Variants in HPSE2 observed in about 807,000 individuals in gnomAD.
HPSE2 encodes the protein heparanase 2 (inactive).
HPSE2 carries 38 observed loss-of-function variants against 60.5 expected under a neutral mutation model. That is an observed-to-expected ratio of 0.63 (90% CI 0.48 to 0.82). The LOEUF (loss-of-function observed/expected upper bound fraction) is 0.82. Ranked by LOEUF, HPSE2 falls within the 40% of genes least tolerant of loss-of-function variation. The pLI is 0.00. For missense variants in HPSE2, 713 were observed against 740.4 expected (o/e 0.96, Z 0.43); for synonymous variants, 295 against 293.2 (o/e 1.01, Z -0.06).
chr10:99,107,978 T>G (rs1018509787), intron 3 of HPSE2, among the ~76,000 whole-genome samples: 1 of 152,168 alleles, frequency 6.6e-6, no homozygotes, highest in Admixed American at 6.5e-5. Flanking sequence ...TTTAACAGCT[T>G]AAATCTGTTT....
intron 3 of HPSE2, among the ~76,000 whole-genome samples, chr10:99,018,056 C>G (rs557253698): frequency 6.6e-6 from 1 of 152,312 alleles, no homozygotes; most frequent in Non-Finnish European, 1.5e-5. Flanking sequence ...TCCTTACCAC[C>G]TAACAGTTCA....
chr10:99,045,754 G>T (rs906864140), intron 3 of HPSE2, among the ~76,000 whole-genome samples: 1 of 151,958 alleles, frequency 6.6e-6, no homozygotes, highest in Non-Finnish European at 1.5e-5. Flanking sequence ...ATAAATTTCT[G>T]GAATCACACA....
intron 9 of HPSE2, among the ~76,000 whole-genome samples, chr10:98,567,753 G>A (rs657556): frequency 2.3e-3 from 79 of 34,196 alleles, no homozygotes; most frequent in East Asian, 5.0e-3. Context: ...TGGATGGTGT[G>A]TGTGTGTGTG....
At chr10:99,198,829 GATA>G (rs1458426874) in intron 2 of HPSE2, among the ~76,000 whole-genome samples, 1 of 151,982 alleles carries the variant, frequency 6.6e-6, no homozygotes, top group Non-Finnish European at 1.5e-5. Flanking sequence ...ATACCCACTG[GATA>G]ATAATTTCCC....
the HPSE2 span, among the ~76,000 whole-genome samples, chr10:99,300,323 C>G: frequency 6.6e-6 from 1 of 152,172 alleles, no homozygotes; most frequent in South Asian, 2.1e-4. Context: ...ACGGCTCCCA[C>G]TGGACACCTT....
the HPSE2 span, among the ~76,000 whole-genome samples, chr10:99,306,948 G>T: frequency 6.6e-6 from 1 of 152,122 alleles, no homozygotes. Flanking sequence ...GACCTCAGGT[G>T]ATCCGCCCGC....
intron 3 of HPSE2, among the ~76,000 whole-genome samples, chr10:98,826,424 G>A (rs1951549136): frequency 6.6e-6 from 1 of 152,140 alleles, no homozygotes; most frequent in South Asian, 2.1e-4. Flanking sequence ...AAGTACCTTT[G>A]GGGCAGATTT....
chr10:98,510,542 T>C (rs1942355139), intron 9 of HPSE2, among the ~76,000 whole-genome samples: 2 of 151,640 alleles, frequency 1.3e-5, no homozygotes, highest in African/African-American at 4.9e-5. Context: ...CAGGCTTGGG[T>C]TTGTGAACTG....
intron 9 of HPSE2, among the ~76,000 whole-genome samples, chr10:98,504,222 G>T (rs890678653): frequency 2.0e-5 from 3 of 152,082 alleles, no homozygotes; most frequent in Non-Finnish European, 2.9e-5. Flanking sequence ...GCAAGAGGTT[G>T]TCTCAAGTTT....
upstream of HPSE2, chr10:99,236,012 A>G: frequency 5.5e-6 from 2 of 363,318 alleles, no homozygotes; most frequent in East Asian, 4.0e-5. Context: ...TTTTTTTTTT[A>G]ATTTTTTTTA....
intron 3 of HPSE2, among the ~76,000 whole-genome samples, chr10:98,963,856 G>A (rs549196570): frequency 4.2e-4 from 64 of 152,240 alleles, no homozygotes; most frequent in African/African-American, 1.5e-3. Flanking sequence ...AAGGTTTAGA[G>A]ATGCCTTTGT....
At chr10:98,605,737 G>A (rs562791647) in intron 9 of HPSE2, among the ~76,000 whole-genome samples, 1 of 152,324 alleles carries the variant, frequency 6.6e-6, no homozygotes, top group African/African-American at 2.4e-5. Flanking sequence ...AGCATCAGGT[G>A]CAGGGAGCTT....
chr10:98,591,682 A>G (rs1164108656), intron 9 of HPSE2, among the ~76,000 whole-genome samples: 1 of 55,656 alleles, frequency 1.8e-5, no homozygotes, highest in Non-Finnish European at 7.0e-5. Context: ...AAAATAAAAT[A>G]AATAAATAAA....
At chr10:98,752,353 A>T (rs920716064) in intron 3 of HPSE2, among the ~76,000 whole-genome samples, 1 of 152,206 alleles carries the variant, frequency 6.6e-6, no homozygotes, top group East Asian at 1.9e-4. Flanking sequence ...GTAAAGACAG[A>T]CAAATTTGAC....
intron 3 of HPSE2, among the ~76,000 whole-genome samples, chr10:98,770,413 T>C (rs1382223205): frequency 1.3e-5 from 2 of 152,216 alleles, no homozygotes; most frequent in Non-Finnish European, 2.9e-5. Context: ...GCATAACTGA[T>C]TAATGGTTCT....
intron 9 of HPSE2, among the ~76,000 whole-genome samples, chr10:98,550,989 C>A (rs917695249): frequency 6.6e-6 from 1 of 151,634 alleles, no homozygotes; most frequent in Non-Finnish European, 1.5e-5. Flanking sequence ...CACTGATGAA[C>A]AAAAGAATAA....
At chr10:99,239,773 A>T (rs1849913760), upstream of HPSE2, among the ~76,000 whole-genome samples, 5 of 152,008 alleles carry the variant, frequency 3.3e-5, no homozygotes, top group African/African-American at 1.2e-4. Flanking sequence ...ACCTTAATAA[A>T]AACTGTCAAC....
At chr10:98,825,621 G>A (rs1283340593) in intron 3 of HPSE2, among the ~76,000 whole-genome samples, 1 of 150,496 alleles carries the variant, frequency 6.6e-6, no homozygotes, top group Non-Finnish European at 1.5e-5. Flanking sequence ...GGGGGGGCGG[G>A]GGTGGGGGAG....
chr10:98,863,530 C>G lies in HPSE2; in HGVS notation c.611-119474G>C, dbSNP rs150808728. Among the ~76,000 whole-genome samples, 191 of 152,254 alleles carry G rather than the reference C, an allele frequency of 1.3e-3. 1 individual carries two copies. Among genetic ancestry groups the G allele is most frequent in the Middle Eastern group, 0.01 (3 of 294 alleles). On this transcript the variant is annotated intron_variant, in intron 3 of 11. Coordinates refer to ENST00000370552, the MANE Select transcript of HPSE2 (RefSeq NM_021828.5). ...CTCCTACCCACCCTGTCCAATGCCACTGAAGGTTAGTCAGTAGAAGAAACC... is the reference window on the plus strand; with the variant it reads ...CTCCTACCCACCCTGTCCAATGCCAGTGAAGGTTAGTCAGTAGAAGAAACC...
Sources: allele counts gnomAD v4.1 joint callset (sites outside exome capture counted in the v4.1 genomes callset), GRCh38; gene constraint gnomAD v4.1.1; transcripts MANE v1.5; gene names NCBI Gene and HGNC (gene_info 2026-07-23, HGNC 2026-07-21).